The following C8orf89 variants were observed in gnomAD, a reference collection of about 807,000 sequenced individuals.
The protein encoded by C8orf89 is chromosome 8 open reading frame 89, also known as putative uncharacterized protein C8orf89.
In C8orf89, 14 loss-of-function variants were observed where a neutral mutation model predicts 15.8. The observed-to-expected ratio is 0.89, with a 90% CI of 0.59 to 1.39. C8orf89 has a LOEUF of 1.39. Ranked by LOEUF, C8orf89 falls within the 40% of genes most tolerant of loss-of-function variation. The pLI, the probability that C8orf89 is intolerant of heterozygous loss-of-function variation, is 0.00. For synonymous variants in C8orf89, 55 were observed against 62.2 expected (o/e 0.88, Z 0.54); for missense variants, 181 against 184.5 (o/e 0.98, Z 0.11).
intron 2 of C8orf89, among the ~76,000 whole-genome samples, chr8:73,253,566 G>A (rs1016927495): frequency 2.6e-5 from 4 of 151,612 alleles, no homozygotes; most frequent in East Asian, 3.9e-4. Context: ...TCCTACCCAT[G>A]AGCATGGAAT....
chr8:73,247,786 G>A (rs1813159225), intron 3 of C8orf89, among the ~76,000 whole-genome samples: 1 of 152,044 alleles, frequency 6.6e-6, no homozygotes. Context: ...ACTTTTTAAT[G>A]AGGTTATTTT....
upstream of C8orf89, among the ~76,000 whole-genome samples, chr8:73,264,216 T>G (rs573873663): frequency 6.6e-6 from 1 of 152,290 alleles, no homozygotes; most frequent in African/African-American, 2.4e-5. Flanking sequence ...AAAAGACACT[T>G]GTTTACAGTA....
Position 73,241,436 on chromosome 8 carries a change from C to A in C8orf89, c.*21G>T. 1 of 1,483,928 alleles carries A rather than the reference C, an allele frequency of 6.7e-7. No homozygotes were observed. Among genetic ancestry groups the A allele is most frequent in the South Asian group, 1.4e-5 (1 of 73,732 alleles). 91.9% of individuals were successfully genotyped at this position (1,483,928 alleles called of 1,614,324 possible). A position where few individuals can be genotyped will look rare whatever the true frequency, so the allele number is the denominator to read the frequency against. ...AAAGCTTAAAAGTCACTGAAGAAAGCATCACACTGTACGACATTTTTCAGC... is the reference window on the plus strand; with the variant it reads ...AAAGCTTAAAAGTCACTGAAGAAAGAATCACACTGTACGACATTTTTCAGC... On this transcript the variant is annotated 3_prime_UTR_variant, in exon 4 of 4. Coordinates refer to ENST00000624510, the MANE Select transcript of C8orf89 (RefSeq NM_001243237.3).
At position 73,259,387 on chromosome 8, in the gene C8orf89, C is replaced by A. The variant is rs1352906899; in HGVS notation, c.72G>T (p.Leu24Phe). The change falls in exon 1 of 4, where the codon TTG becomes TTT. Residue 24 changes from leucine to phenylalanine, a missense_variant. Physicochemically the swap from Leu to Phe is conservative, Grantham distance 22. Transcript: ENST00000624510. Reference sequence around the variant, plus strand: ...CTTTCTTCCAACTACTCTCAAAAATCAAACAACTGCCAAAGGAACTTCTGG... The same window carrying A: ...CTTTCTTCCAACTACTCTCAAAAATAAAACAACTGCCAAAGGAACTTCTGG... ...KFTRSSFGSCLIFESSWKKAV... is the reference protein window; with the variant it reads ...KFTRSSFGSCFIFESSWKKAV... 1.3e-6 allele frequency: 2 copies of A among 1,530,820 alleles called. No individual in the cohort carries two copies. The highest frequency in any genetic ancestry group is 2.4e-5 in the South Asian group (2 of 83,656). The allele number at this position is 1,530,820 out of a possible 1,614,324, so 94.8% of individuals were successfully genotyped here. A position where few individuals can be genotyped will look rare whatever the true frequency, so the allele number is the denominator to read the frequency against.
intron 3 of C8orf89, among the ~76,000 whole-genome samples, chr8:73,248,558 C>G (rs1023483217): frequency 2.0e-5 from 3 of 152,074 alleles, no homozygotes; most frequent in Non-Finnish European, 4.4e-5. Flanking sequence ...TATATTGAGT[C>G]TTCCTATCCA....
chr8:73,252,361 A>T (rs1813268750), intron 2 of C8orf89, among the ~76,000 whole-genome samples: 1 of 152,182 alleles, frequency 6.6e-6, no homozygotes, highest in Admixed American at 6.5e-5. Flanking sequence ...GACAAAATGC[A>T]TATATATAAA....
chr8:73,262,611 G>A (rs1813548967), upstream of C8orf89, among the ~76,000 whole-genome samples: 1 of 151,976 alleles, frequency 6.6e-6, no homozygotes, highest in South Asian at 2.1e-4. Context: ...GAGGCCAGAA[G>A]TTTAAGACCA....
rs146688549 is a variant in C8orf89, at chr8:73,244,407, C to T, written c.338-2802G>A. ...CAGAGTTAGGATTTGAATCCAGATTCATCAAAGTTCCAATCACTACGTATT... is the reference window on the plus strand; with the variant it reads ...CAGAGTTAGGATTTGAATCCAGATTTATCAAAGTTCCAATCACTACGTATT... On this transcript the variant is annotated intron_variant, in intron 3 of 3. Transcript: ENST00000624510. Among the ~76,000 whole-genome samples the T allele has an allele frequency of 1.1e-4, 17 of 152,230 alleles. 1 individual carries two copies. The East Asian group carries it at 3.3e-3, about 29-fold the overall frequency.
intron 2 of C8orf89, among the ~76,000 whole-genome samples, chr8:73,254,336 A>G (rs901393672): frequency 6.6e-6 from 1 of 152,006 alleles, no homozygotes; most frequent in Non-Finnish European, 1.5e-5. Context: ...TCGTTTTGCC[A>G]GTATTTTATT....
At position 73,257,028 on chromosome 8, in the gene C8orf89, G is replaced by C. The variant is rs529104795; in HGVS notation, c.226C>G (p.Pro76Ala). Residue 76 changes from proline to alanine, a missense_variant, in exon 2 of 4, where the codon CCA (proline) becomes GCA (alanine). Transcript: ENST00000624510. ...QSCQKSVSST[P>A]LEVPKRLPRA... Reference sequence around the variant, plus strand: ...GGCAGTCTTTTAGGAACCTCTAGTGGAGTTGAACTTACACTTTTTTGGCAA... The same window carrying C: ...GGCAGTCTTTTAGGAACCTCTAGTGCAGTTGAACTTACACTTTTTTGGCAA... 7.8e-5 allele frequency: 120 copies of C among 1,534,982 alleles called. No homozygotes were observed. Among genetic ancestry groups the C allele is most frequent in the Non-Finnish European group, 9.8e-5 (112 of 1,146,272 alleles).
the C8orf89 span, among the ~76,000 whole-genome samples, chr8:73,278,383 T>C: frequency 6.6e-6 from 1 of 151,974 alleles, no homozygotes; most frequent in East Asian, 1.9e-4. Flanking sequence ...TCAAAATAAA[T>C]CCTCATTATT....
chr8:73,277,456 C>T, the C8orf89 span: 13 of 1,080,616 alleles, frequency 1.2e-5, no homozygotes, highest in African/African-American at 4.8e-5. Context: ...TTCTTTTTCT[C>T]GGTGCTCGAG....
At chr8:73,256,892 C>T (rs1203942386) in intron 2 of C8orf89, 81 bp downstream of exon 2, 1 of 883,316 alleles carries the variant, frequency 1.1e-6, no homozygotes, top group Non-Finnish European at 1.5e-6. Flanking sequence ...ATGCAATTCA[C>T]TGACCAGAAA....
chr8:73,241,684 T>C, intron 3 of C8orf89, 79 bp from the exon 4 acceptor site: 1 of 1,168,390 alleles, frequency 8.6e-7, no homozygotes, highest in Admixed American at 3.0e-5. Context: ...ATAATGTGAC[T>C]GAAATATTTC....
At chr8:73,251,359 C>T (rs1813243491) in intron 2 of C8orf89, among the ~76,000 whole-genome samples, 2 of 152,152 alleles carry the variant, frequency 1.3e-5, no homozygotes, top group African/African-American at 2.4e-5. Context: ...CTTCACAGGC[C>T]GCTGTGCAAT....
the C8orf89 span, among the ~76,000 whole-genome samples, chr8:73,265,839 C>T: frequency 1.3e-5 from 2 of 152,178 alleles, no homozygotes; most frequent in African/African-American, 4.8e-5. Context: ...CCTAACAGTA[C>T]CTGACATCAT....
the C8orf89 span, among the ~76,000 whole-genome samples, chr8:73,273,652 C>A: frequency 2.1e-3 from 321 of 152,136 alleles, no homozygotes; most frequent in Non-Finnish European, 3.5e-3. Context: ...GAGGCGGTCC[C>A]CAGTGAAGCC....
chr8:73,256,936 A>C, intron 2 of C8orf89, 37 bp downstream of exon 2: 1 of 1,484,764 alleles, frequency 6.7e-7, no homozygotes, highest in Non-Finnish European at 9.0e-7. Flanking sequence ...CTACAAATAC[A>C]CATTCAACAA....
the C8orf89 span, among the ~76,000 whole-genome samples, chr8:73,282,190 G>A: frequency 2.6e-5 from 4 of 152,074 alleles, no homozygotes; most frequent in Admixed American, 1.3e-4. Flanking sequence ...AATGTGTCAC[G>A]TGCACAAAAA....
Sources: allele counts gnomAD v4.1 joint callset (sites outside exome capture counted in the v4.1 genomes callset), GRCh38; gene constraint gnomAD v4.1.1; transcripts MANE v1.5; gene names NCBI Gene and HGNC (gene_info 2026-07-23, HGNC 2026-07-21).